The following SEC23A variants were observed in gnomAD, a reference collection of about 807,000 sequenced individuals.
The protein encoded by SEC23A is protein transport protein Sec23A.
SEC23A carries 56 observed loss-of-function variants against 103.7 expected under a neutral mutation model. That is an observed-to-expected ratio of 0.54 (90% CI 0.44 to 0.67). The LOEUF (loss-of-function observed/expected upper bound fraction) is 0.67. SEC23A is among the 30% of genes least tolerant of loss of function. SEC23A has a pLI of 0.00. For missense variants in SEC23A, 784 were observed against 936.4 expected (o/e 0.84, Z 2.12); for synonymous variants, 281 against 293.0 (o/e 0.96, Z 0.42).
intron 8 of SEC23A, among the ~76,000 whole-genome samples, chr14:39,075,260 G>A (rs1384369012): frequency 6.6e-6 from 1 of 152,066 alleles, no homozygotes; most frequent in Non-Finnish European, 1.5e-5. Flanking sequence ...AAAATTCCAA[G>A]CTCAAAAAGG....
intron 11 of SEC23A, chr14:39,064,630 G>C: frequency 2.6e-6 from 1 of 384,178 alleles, no homozygotes; most frequent in Non-Finnish European, 4.9e-6. Flanking sequence ...TATACCAATG[G>C]GAGCTGAACT....
At position 39,059,100 on chromosome 14, in the gene SEC23A, A is replaced by T. The variant is rs116916064; in HGVS notation, c.1505+2665T>A. On this transcript the variant is annotated intron_variant, in intron 13 of 19. Transcript: ENST00000307712. ...GACATTGTAAAAATCTGTCTTCTAC[A>T]TTTCCCGTATCCCTTCACTGTGATT... is the stretch of plus-strand genomic sequence containing the variant. 1.2e-3 allele frequency among the ~76,000 whole-genome samples: 190 copies of T among 152,140 alleles called. 2 individuals are homozygous for T. The East Asian group carries it at 0.019, about 15-fold the overall frequency.
chr14:39,084,146 C>T (rs535318607), intron 7 of SEC23A, among the ~76,000 whole-genome samples: 18 of 151,666 alleles, frequency 1.2e-4, no homozygotes, highest in Admixed American at 3.3e-4. Flanking sequence ...CTCAGCCTCC[C>T]GAGTAGCTGG....
chr14:39,075,358 T>C (rs1228509497), intron 8 of SEC23A, among the ~76,000 whole-genome samples: 2 of 151,918 alleles, frequency 1.3e-5, no homozygotes, highest in Non-Finnish European at 2.9e-5. Flanking sequence ...ATGAAGACTA[T>C]CAAAAAATAC....
At chr14:39,080,625 C>T (rs1028027831) in intron 7 of SEC23A, among the ~76,000 whole-genome samples, 3 of 151,998 alleles carry the variant, frequency 2.0e-5, no homozygotes, top group African/African-American at 7.2e-5. Flanking sequence ...AGGCTGGTCT[C>T]GAACTCCTGA....
At chr14:39,072,050 A>G (rs533793743) in intron 9 of SEC23A, among the ~76,000 whole-genome samples, 13 of 152,220 alleles carry the variant, frequency 8.5e-5, no homozygotes, top group African/African-American at 2.9e-4. Context: ...CCTGGCCAAC[A>G]TAATGAAACC....
intron 16 of SEC23A, among the ~76,000 whole-genome samples, chr14:39,044,794 A>G (rs1168460503): frequency 6.6e-6 from 1 of 152,258 alleles, no homozygotes; most frequent in Non-Finnish European, 1.5e-5. Context: ...TGTCACAGAC[A>G]CTAAACTCTG....
intron 6 of SEC23A, among the ~76,000 whole-genome samples, chr14:39,086,242 G>T (rs1226792353): frequency 6.6e-6 from 1 of 152,062 alleles, no homozygotes; most frequent in African/African-American, 2.4e-5. Context: ...AGTACTTCAG[G>T]ATTTCATCTC....
chr14:39,093,009 G>T, intron 3 of SEC23A, 178 bp downstream of exon 3: 1 of 510,506 alleles, frequency 2.0e-6, no homozygotes, highest in Non-Finnish European at 3.5e-6. Flanking sequence ...GACTACAGGC[G>T]CCTGCCACCA....
chr14:39,070,448 A>G (rs1344713198), intron 9 of SEC23A, among the ~76,000 whole-genome samples: 2 of 152,226 alleles, frequency 1.3e-5, no homozygotes. Flanking sequence ...TCCTATGAAG[A>G]CAGATGCAAA....
chr14:39,094,434 ATATATATATTTTTT>A lies in SEC23A; in HGVS notation c.222-1204_222-1191del, dbSNP rs1887811672. Among the ~76,000 whole-genome samples the A allele has an allele frequency of 4.4e-4, 13 of 29,852 alleles. 3 individuals are homozygous for A. The highest frequency in any genetic ancestry group is 4.0e-3 in the African/African-American group (9 of 2,254). 19.6% of individuals were successfully genotyped at this position (29,852 alleles called of 152,430 possible). ...TATATATATATATATATATATATAT[ATATATATATTTTTT>A]TTTTTTTTTTTTCCCCTCCTGTAGA... On this transcript the variant is annotated intron_variant, in intron 2 of 19. Transcript: ENST00000307712.
At chr14:39,065,113 T>C in intron 10 of SEC23A, 120 bp from the exon 11 acceptor site, 2 of 726,804 alleles carry the variant, frequency 2.8e-6, no homozygotes, top group South Asian at 3.0e-5. Context: ...AATGAAAATA[T>C]ACTAACATGA....
In SEC23A at chr14:39,063,381, C is replaced by A; in HGVS notation, c.1341G>T (p.Lys447Asn). The A allele has an allele frequency of 6.2e-6, 10 of 1,612,122 alleles. No individual in the cohort carries two copies. The highest frequency in any genetic ancestry group is 1.3e-5 in the African/African-American group (1 of 74,968). ...TTGTAGTGGGACTAAGTCCACATAT[C>A]TTCCACTGACATGTGCCACCTGTTC... ...EIGTGGTCQW[K>N]ICGLSPTTTL... is the part of the protein sequence containing the mutation. Residue 447 changes from lysine to asparagine, a missense_variant, in exon 12 of 20, where the codon AAG (lysine) becomes AAT (asparagine). Around this residue, in one of 2 missense-constraint regions of SEC23A, gnomAD observed 683 missense variants for 774.2 expected, o/e 0.88. Coordinates refer to ENST00000307712, the MANE Select transcript of SEC23A (RefSeq NM_006364.4).
At position 39,042,852 on chromosome 14, in the gene SEC23A, A is replaced by G. The variant is rs1566481444; in HGVS notation, c.1920T>C (p.Ser640=). ...GAAGAATACGATCTGCAAGAATGCTACTGCTATCAAGAAGAACCGGCTAAC... is the reference window on the plus strand; with the variant it reads ...GAAGAATACGATCTGCAAGAATGCTGCTGCTATCAAGAAGAACCGGCTAAC... ...GPPEPVLLDS[S]SILADRILLM... is the part of the protein sequence containing the mutation. Residue 640 remains serine (S), a synonymous_variant, in exon 17 of 20, where the codon AGT becomes AGC. Transcript: ENST00000307712. 1 of 1,611,982 alleles carries G rather than the reference A, an allele frequency of 6.2e-7. No homozygotes were observed. The highest frequency in any genetic ancestry group is 8.5e-7 in the Non-Finnish European group (1 of 1,178,180).
At chr14:39,084,083 A>G (rs1594475183) in intron 7 of SEC23A, among the ~76,000 whole-genome samples, 2 of 151,376 alleles carry the variant, frequency 1.3e-5, no homozygotes, top group African/African-American at 2.4e-5. Context: ...GTGCAGTGGC[A>G]TGATCTCGGC....
At chr14:39,083,677 T>G (rs951599739) in intron 7 of SEC23A, among the ~76,000 whole-genome samples, 2 of 148,378 alleles carry the variant, frequency 1.3e-5, no homozygotes, top group East Asian at 4.2e-4. Flanking sequence ...ATTCTCCTGC[T>G]TCAGCCTCCC....
Position 39,076,218 on chromosome 14 carries a change from A to G in SEC23A, c.829-125T>C, listed in dbSNP as rs1161137890. On this transcript the variant is annotated intron_variant, in intron 7 of 19. Coordinates refer to ENST00000307712, the MANE Select transcript of SEC23A (RefSeq NM_006364.4). ...ATTTTCTAAGAAATAAAATAATCAA[A>G]TGTTTACAATGAAATTTAAAAACAA... is the stretch of plus-strand genomic sequence containing the variant. 3.5e-6 allele frequency: 3 copies of G among 846,702 alleles called. No homozygotes were observed. In the African/African-American group the frequency reaches 5.2e-5, roughly 15 times the overall value. 52.4% of individuals were successfully genotyped at this position (846,702 alleles called of 1,614,324 possible).
intron 9 of SEC23A, among the ~76,000 whole-genome samples, chr14:39,068,720 T>C (rs1014590254): frequency 6.6e-6 from 1 of 152,200 alleles, no homozygotes; most frequent in Non-Finnish European, 1.5e-5. Flanking sequence ...AATATTTAGA[T>C]ACACTTGCTC....
chr14:39,096,199 T>C lies in SEC23A; in HGVS notation c.-21-60A>G, dbSNP rs3818163. 10 of 1,126,620 alleles carry C rather than the reference T, an allele frequency of 8.9e-6. No homozygotes were observed. In the South Asian group the frequency reaches 1.3e-4, roughly 14 times the overall value. The allele number at this position is 1,126,620 out of a possible 1,614,324, so 69.8% of individuals were successfully genotyped here. A position where few individuals can be genotyped will look rare whatever the true frequency, so the allele number is the denominator to read the frequency against. On this transcript the variant is annotated intron_variant, in intron 1 of 19. Transcript: ENST00000307712. The stretch of plus-strand genomic sequence containing the variant: ...GATCCTCTTAAGAACGTTCAAAATA[T>C]GAATGTTCTCCCCTCATTCAGCAAT...
Sources: gnomAD v4.1 joint callset for allele counts (sites outside exome capture counted in the v4.1 genomes callset) on GRCh38, gnomAD v4.1.1 for gene constraint, gnomAD v4.1.1 regional missense constraint, MANE v1.5 for transcripts, NCBI Gene and HGNC (gene_info 2026-07-23, HGNC 2026-07-21) for gene names.